Variants in SOS1 observed in about 807,000 individuals in gnomAD.
SOS1 encodes son of sevenless homolog 1.
In SOS1, 25 loss-of-function variants were observed where a neutral mutation model predicts 157.6. That is an observed-to-expected ratio of 0.16 (90% CI 0.12 to 0.22). The LOEUF (loss-of-function observed/expected upper bound fraction) is 0.22. Ranked by LOEUF, SOS1 falls within the 10% of genes least tolerant of loss-of-function variation. SOS1 has a pLI of 1.00. For missense variants in SOS1, 1,237 were observed against 1,599.1 expected (o/e 0.77, Z 3.86); for synonymous variants, 528 against 534.0 (o/e 0.99, Z 0.16).
At chr2:39,045,041 A>G (rs1305656542) in intron 6 of SOS1, among the ~76,000 whole-genome samples, 1 of 152,178 alleles carries the variant, frequency 6.6e-6, no homozygotes, top group Admixed American at 6.5e-5. Context: ...CGTTATGTAA[A>G]GAGTTGTTAT....
intron 1 of SOS1, among the ~76,000 whole-genome samples, chr2:39,106,406 C>T (rs532031445): frequency 1.9e-4 from 29 of 151,588 alleles, no homozygotes; most frequent in Admixed American, 8.5e-4. Context: ...CCGGCTAAAA[C>T]GGTGAAACCC....
In SOS1 at chr2:38,985,886, G is replaced by A. The variant is rs2124454167; in HGVS notation, c.3940C>T (p.His1314Tyr). The A allele has an allele frequency of 6.2e-7, 1 of 1,613,920 alleles. No homozygotes were observed. Residue 1314 changes from histidine to tyrosine, a missense_variant, in exon 23 of 23, where the codon CAC (histidine) becomes TAC (tyrosine). Physicochemically the swap from His to Tyr is moderately conservative, Grantham distance 83. Around this residue, in one of 15 missense-constraint regions of SOS1, gnomAD observed 306 missense variants for 322.6 expected, o/e 0.95. Transcript: ENST00000402219. ...KLPPKTYKRE[H>Y]THPSMHRDGP... ...TCTCTGTGCATGGATGGGTGTGTGTGCTCCCTTTTGTAAGTTTTTGGAGGG... is the reference window on the plus strand; with the variant it reads ...TCTCTGTGCATGGATGGGTGTGTGTACTCCCTTTTGTAAGTTTTTGGAGGG...
intron 5 of SOS1, among the ~76,000 whole-genome samples, chr2:39,054,100 T>A (rs1671120913): frequency 6.6e-6 from 1 of 152,136 alleles, no homozygotes; most frequent in Non-Finnish European, 1.5e-5. Context: ...GCTAATTTTT[T>A]GTATTTTTAG....
At chr2:39,074,724 G>A (rs1013918119) in intron 1 of SOS1, among the ~76,000 whole-genome samples, 4 of 151,808 alleles carry the variant, frequency 2.6e-5, no homozygotes, top group Non-Finnish European at 4.4e-5. Context: ...AAAATTAGCC[G>A]GGTATGGTGG....
chr2:39,121,937 A>C (rs1673906827), upstream of SOS1, among the ~76,000 whole-genome samples: 1 of 152,192 alleles, frequency 6.6e-6, no homozygotes, highest in Non-Finnish European at 1.5e-5. Flanking sequence ...TTTAATCCCC[A>C]TAGCAACCCT....
At chr2:39,040,716 A>G (rs1471407051) in intron 6 of SOS1, among the ~76,000 whole-genome samples, 1 of 152,220 alleles carries the variant, frequency 6.6e-6, no homozygotes, top group Non-Finnish European at 1.5e-5. Flanking sequence ...TGTATTTACC[A>G]TATACATTTA....
chr2:39,004,442 G>A lies in SOS1; in HGVS notation c.2791+1970C>T, dbSNP rs574184464. 2.1e-5 allele frequency among the ~76,000 whole-genome samples: 3 copies of A among 140,096 alleles called. No individual in the cohort carries two copies. The East Asian group carries it at 6.5e-4, about 30-fold the overall frequency. 91.9% of individuals were successfully genotyped at this position (140,096 alleles called of 152,430 possible). A position where few individuals can be genotyped will look rare whatever the true frequency, so the allele number is the denominator to read the frequency against. On this transcript the variant is annotated intron_variant, in intron 17 of 22. Coordinates refer to ENST00000402219, the MANE Select transcript of SOS1 (RefSeq NM_005633.4). ...AAAAAAAAAAAAGGAAGTCCCATATGTAAACAGGGAAAAAGTAGAATCATT... is the reference window on the plus strand; with the variant it reads ...AAAAAAAAAAAAGGAAGTCCCATATATAAACAGGGAAAAAGTAGAATCATT...
At chr2:39,042,244 C>G (rs898903858) in intron 6 of SOS1, among the ~76,000 whole-genome samples, 4 of 152,112 alleles carry the variant, frequency 2.6e-5, no homozygotes, top group African/African-American at 7.2e-5. Flanking sequence ...GCTCCTCATT[C>G]TTACCATGTG....
chr2:39,086,759 G>A (rs927348246), intron 1 of SOS1, among the ~76,000 whole-genome samples: 3 of 152,070 alleles, frequency 2.0e-5, no homozygotes, highest in Non-Finnish European at 2.9e-5. Context: ...GCTGACTCCT[G>A]GGCTCAACTG....
chr2:38,982,533 G>A lies in SOS1; in HGVS notation c.*3291C>T, dbSNP rs748136708. 5 of 152,046 alleles carry A rather than the reference G, an allele frequency of 3.3e-5. No homozygotes were observed. Among genetic ancestry groups the A allele is most frequent in the Non-Finnish European group, 7.4e-5 (5 of 67,988 alleles). The allele number at this position is 152,046 out of a possible 1,614,324, so 9.4% of individuals were successfully genotyped here. ...GCAATACAACAGGACCTATACTTGCGTAGTCACACAATATATGTTAAAAGA... is the reference window on the plus strand; with the variant it reads ...GCAATACAACAGGACCTATACTTGCATAGTCACACAATATATGTTAAAAGA... On this transcript the variant is annotated 3_prime_UTR_variant, in exon 23 of 23. Transcript: ENST00000402219.
intron 10 of SOS1, among the ~76,000 whole-genome samples, chr2:39,019,012 G>A (rs903304379): frequency 2.0e-4 from 30 of 151,766 alleles, no homozygotes; most frequent in African/African-American, 6.3e-4. Flanking sequence ...CCGAAACTGA[G>A]CTTATATAGG....
intron 5 of SOS1, among the ~76,000 whole-genome samples, chr2:39,052,639 C>T (rs1671060138): frequency 6.6e-6 from 1 of 152,096 alleles, no homozygotes; most frequent in South Asian, 2.1e-4. Context: ...TCTTTTTATT[C>T]CTGAGTAGCA....
At chr2:39,054,948 C>T in intron 4 of SOS1, 125 bp from the exon 5 acceptor site, 1 of 642,102 alleles carries the variant, frequency 1.6e-6, no homozygotes. Flanking sequence ...ACAAATTTCT[C>T]TTCTTGGATA....
At position 39,012,278 on chromosome 2, in the gene SOS1, A is replaced by ATTG; in HGVS notation, c.2235_2237dup (p.Asn746dup). The ATTG allele has an allele frequency of 6.2e-7, 1 of 1,613,460 alleles. No individual in the cohort carries two copies. The highest frequency in any genetic ancestry group is 8.5e-7 in the Non-Finnish European group (1 of 1,179,570). The stretch of plus-strand genomic sequence containing the variant: ...GAAATGTAATATTATGACCTGGTCC[A>ATTG]TTGTCTCTTGCAATTTTTTTCCTTT... On this transcript the variant is annotated inframe_insertion, in exon 14 of 23. Coordinates refer to ENST00000402219, the MANE Select transcript of SOS1 (RefSeq NM_005633.4).
At chr2:39,068,629 C>T (rs561634590) in intron 1 of SOS1, among the ~76,000 whole-genome samples, 11 of 151,996 alleles carry the variant, frequency 7.2e-5, no homozygotes, top group Non-Finnish European at 1.3e-4. Context: ...TTGTAACTGT[C>T]TATACTTCAG....
chr2:39,069,593 G>C (rs1671728349), intron 1 of SOS1, among the ~76,000 whole-genome samples: 2 of 152,138 alleles, frequency 1.3e-5, no homozygotes, highest in African/African-American at 4.8e-5. Flanking sequence ...TGTCACCCAG[G>C]CTGGAGTGCA....
intron 1 of SOS1, among the ~76,000 whole-genome samples, chr2:39,072,669 T>C (rs1056225869): frequency 3.3e-5 from 5 of 152,208 alleles, no homozygotes; most frequent in African/African-American, 1.2e-4. Flanking sequence ...GTTTTATTTA[T>C]TGATGGTTAC....
At chr2:39,000,475 T>G (rs1002369704) in intron 17 of SOS1, among the ~76,000 whole-genome samples, 1 of 152,236 alleles carries the variant, frequency 6.6e-6, no homozygotes, top group Non-Finnish European at 1.5e-5. Context: ...GTTACTCCTG[T>G]ACTTCAATAT....
At position 38,992,714 on chromosome 2, in the gene SOS1, T is replaced by C. The variant is rs546871989; in HGVS notation, c.3346+2409A>G. The C allele has an allele frequency of 5.9e-5, 9 of 152,288 alleles. No individual in the cohort carries two copies. In the East Asian group the frequency reaches 1.7e-3, roughly 29 times the overall value. 9.4% of individuals were successfully genotyped at this position (152,288 alleles called of 1,614,324 possible). On this transcript the variant is annotated intron_variant, in intron 20 of 22. Transcript: ENST00000402219. Reference sequence around the variant, plus strand: ...TTTCAATAGTTCACTTATTTGAGAATCCTTAATGATACAGGCCTATAGCTG... The same window carrying C: ...TTTCAATAGTTCACTTATTTGAGAACCCTTAATGATACAGGCCTATAGCTG...
Sources: gnomAD v4.1 joint callset for allele counts (sites outside exome capture counted in the v4.1 genomes callset) on GRCh38, gnomAD v4.1.1 for gene constraint, gnomAD v4.1.1 regional missense constraint, MANE v1.5 for transcripts, NCBI Gene and HGNC (gene_info 2026-07-23, HGNC 2026-07-21) for gene names.